The following AOPEP variants were observed in gnomAD, a reference collection of about 807,000 sequenced individuals.
AOPEP encodes aminopeptidase O (putative).
AOPEP carries 77 observed loss-of-function variants against 98.1 expected under a neutral mutation model. That is an observed-to-expected ratio of 0.78 (90% CI 0.65 to 0.95). AOPEP has a LOEUF of 0.95. AOPEP is among the 40% of genes least tolerant of loss of function. The pLI is 0.00. For synonymous variants in AOPEP, 346 were observed against 365.3 expected (o/e 0.95, Z 0.60); for missense variants, 1,024 against 1,024.7 (o/e 1.00, Z 0.01).
chr9:94,743,241 A>G (rs1248783325), intron 1 of AOPEP, among the ~76,000 whole-genome samples: 4 of 103,622 alleles, frequency 3.9e-5, no homozygotes, highest in African/African-American at 1.4e-4. Context: ...AGGAAGAAGA[A>G]GAGGAAGAAG....
rs74339870 is a variant in AOPEP, at chr9:95,069,943, A to G, written c.2232+9133A>G. Reference sequence around the variant, plus strand: ...TTTACTAACCTGGCTTTGCGGTAGCAAATAAAGTAACTTTTAATTTCCTTT... The same window carrying G: ...TTTACTAACCTGGCTTTGCGGTAGCGAATAAAGTAACTTTTAATTTCCTTT... On this transcript the variant is annotated intron_variant, in intron 14 of 16. Coordinates refer to ENST00000375315, the MANE Select transcript of AOPEP (RefSeq NM_001193329.3). Among the ~76,000 whole-genome samples, 63 of 152,400 alleles carry G rather than the reference A, an allele frequency of 4.1e-4. 1 individual carries two copies. The East Asian group carries it at 0.012, about 28-fold the overall frequency.
the AOPEP span, chr9:95,127,182 G>A: frequency 6.5e-6 from 1 of 153,834 alleles, no homozygotes; most frequent in Admixed American, 6.4e-5. Context: ...TTTCGGTGAT[G>A]GGTTCTGATT....
At chr9:95,132,204 G>A in the AOPEP span, among the ~76,000 whole-genome samples, 6 of 152,118 alleles carry the variant, frequency 3.9e-5, no homozygotes, top group South Asian at 2.1e-4. Context: ...GGTACCTTCC[G>A]GCCCTGGCAT....
intron 3 of AOPEP, among the ~76,000 whole-genome samples, chr9:94,780,734 G>C (rs1175969424): frequency 6.6e-6 from 1 of 152,196 alleles, no homozygotes; most frequent in Non-Finnish European, 1.5e-5. Flanking sequence ...TGGTCTCATA[G>C]GACCTCTACT....
chr9:95,041,047 T>TA (rs2065244052), intron 13 of AOPEP, among the ~76,000 whole-genome samples: 1 of 53,150 alleles, frequency 1.9e-5, no homozygotes. Context: ...GTCTCCACAC[T>TA]CCAAAAAAAA....
the AOPEP span, chr9:95,127,418 G>C: frequency 6.6e-6 from 1 of 152,242 alleles, no homozygotes; most frequent in Non-Finnish European, 1.5e-5. Context: ...AGACCGGGAG[G>C]GGGAGATGGT....
intron 9 of AOPEP, among the ~76,000 whole-genome samples, chr9:94,961,950 C>G: frequency 6.6e-6 from 1 of 152,194 alleles, no homozygotes; most frequent in Admixed American, 6.5e-5. Flanking sequence ...ATCTTTGATT[C>G]CTTTTCCAAC....
In AOPEP at chr9:95,080,684, G is replaced by A. The variant is rs750173714; in HGVS notation, c.2233-10G>A. 1.9e-6 allele frequency: 3 copies of A among 1,611,542 alleles called. No individual in the cohort carries two copies. The highest frequency in any genetic ancestry group is 2.5e-6 in the Non-Finnish European group (3 of 1,178,788). On this transcript the variant is annotated splice_polypyrimidine_tract_variant and intron_variant, in intron 14 of 16. Coordinates refer to ENST00000375315, the MANE Select transcript of AOPEP (RefSeq NM_001193329.3). ...CTTGTCGCTCACTGGGCTCTCTCTT[G>A]TTCCTCCAGGTTCGCCATCGGTGGT...
intron 5 of AOPEP, among the ~76,000 whole-genome samples, chr9:94,809,208 G>T (rs1163995907): frequency 6.6e-6 from 1 of 152,182 alleles, no homozygotes; most frequent in Non-Finnish European, 1.5e-5. Flanking sequence ...GGAACTGTAG[G>T]TTAATTAGTT....
the AOPEP span, among the ~76,000 whole-genome samples, chr9:95,141,215 G>T: frequency 6.8e-6 from 1 of 147,544 alleles, no homozygotes; most frequent in African/African-American, 2.5e-5. Context: ...GGGAGGCTGA[G>T]GTCAAAGAAT....
Position 95,086,995 on chromosome 9 carries a change from GAA to G in AOPEP, c.*319_*320del, listed in dbSNP as rs780335778. The G allele has an allele frequency of 2.4e-4, 228 of 969,728 alleles. 1 individual carries two copies. The highest frequency in any genetic ancestry group is 6.7e-4 in the Middle Eastern group (2 of 2,964). The allele number at this position is 969,728 out of a possible 1,614,324, so 60.1% of individuals were successfully genotyped here. ...TCCAAGAGACATTGGAAAACCTGCT[GAA>G]CATTTTACATTGGTCTGCTCAGCAC... On this transcript the variant is annotated 3_prime_UTR_variant, in exon 17 of 17. Transcript: ENST00000375315.
intron 9 of AOPEP, among the ~76,000 whole-genome samples, chr9:94,966,911 T>G (rs1323960040): frequency 1.3e-5 from 2 of 152,178 alleles, no homozygotes; most frequent in African/African-American, 4.8e-5. Flanking sequence ...TTCGAATTTT[T>G]TAGGTCTTTA....
At chr9:94,943,937 A>AAAAC (rs2057331542) in intron 7 of AOPEP, among the ~76,000 whole-genome samples, 1 of 149,866 alleles carries the variant, frequency 6.7e-6, no homozygotes, top group Non-Finnish European at 1.5e-5. Context: ...AAAAAAAAAA[A>AAAAC]AAAAAAAAAA....
intron 5 of AOPEP, among the ~76,000 whole-genome samples, chr9:94,883,466 C>T (rs2047829492): frequency 6.6e-6 from 1 of 152,158 alleles, no homozygotes; most frequent in Non-Finnish European, 1.5e-5. Context: ...GGAGTTTGAA[C>T]AGTTGGCTGC....
At chr9:95,010,677 A>G (rs918244527) in intron 13 of AOPEP, among the ~76,000 whole-genome samples, 1 of 152,194 alleles carries the variant, frequency 6.6e-6, no homozygotes, top group East Asian at 1.9e-4. Flanking sequence ...GAAAAGCTTT[A>G]TGGATTCTAG....
At chr9:95,069,448 T>C (rs1042874346) in intron 14 of AOPEP, among the ~76,000 whole-genome samples, 6 of 149,156 alleles carry the variant, frequency 4.0e-5, no homozygotes, top group Admixed American at 1.3e-4. Flanking sequence ...GAATTACATA[T>C]TGAGATGGAT....
intron 7 of AOPEP, chr9:94,933,498 C>G (rs1426707224): frequency 5.1e-6 from 5 of 985,312 alleles, no homozygotes; most frequent in East Asian, 1.1e-4. Context: ...CTATGGAACT[C>G]TTAATCTTAG....
intron 11 of AOPEP, among the ~76,000 whole-genome samples, chr9:94,999,032 T>G (rs576333756): frequency 6.6e-6 from 1 of 152,160 alleles, no homozygotes; most frequent in Non-Finnish European, 1.5e-5. Flanking sequence ...TCATACATCC[T>G]TAACTCCTGT....
chr9:94,795,866 G>A (rs1846812633), intron 4 of AOPEP, among the ~76,000 whole-genome samples: 1 of 152,184 alleles, frequency 6.6e-6, no homozygotes, highest in African/African-American at 2.4e-5. Context: ...AAATTCACCA[G>A]TTGAGGAACA....
Sources: gnomAD v4.1 joint callset for allele counts (sites outside exome capture counted in the v4.1 genomes callset) on GRCh38, gnomAD v4.1.1 for gene constraint, MANE v1.5 for transcripts, NCBI Gene and HGNC (gene_info 2026-07-23, HGNC 2026-07-21) for gene names.